Variants in NTRK3 observed in about 807,000 individuals in gnomAD.
NTRK3 encodes NT-3 growth factor receptor.
Under a neutral mutation model 91.7 loss-of-function variants are expected in NTRK3, and 24 were observed. That is an observed-to-expected ratio of 0.26 (90% confidence interval 0.19 to 0.37). The LOEUF (loss-of-function observed/expected upper bound fraction) is 0.37. Among genes scored for constraint, NTRK3 ranks in the 10% least tolerant of loss-of-function variants. NTRK3 has a pLI of 1.00. For synonymous variants in NTRK3, 483 were observed against 404.0 expected (o/e 1.20, Z -2.34); for missense variants, 880 against 1,068.9 (o/e 0.82, Z 2.46).
At chr15:88,183,634 A>AAT in intron 4 of NTRK3, 145 bp from the exon 5 acceptor site, 4 of 812,480 alleles carry the variant, frequency 4.9e-6, no homozygotes, top group Middle Eastern at 2.3e-4. Flanking sequence ...CAGTTATCAC[A>AAT]GGTGGCCTGC....
chr15:87,937,477 GTTT>G (rs1220185732), intron 15 of NTRK3, among the ~76,000 whole-genome samples: 1 of 152,154 alleles, frequency 6.6e-6, no homozygotes, highest in Non-Finnish European at 1.5e-5. Flanking sequence ...TTTCACAAAT[GTTT>G]TAAGCTCCTG....
At chr15:88,142,010 A>G (rs2042430358) in intron 6 of NTRK3, among the ~76,000 whole-genome samples, 1 of 152,250 alleles carries the variant, frequency 6.6e-6, no homozygotes, top group Non-Finnish European at 1.5e-5. Flanking sequence ...CAAGAGAACA[A>G]GACACACACA....
chr15:87,990,435 C>T (rs1279797546), intron 14 of NTRK3, among the ~76,000 whole-genome samples: 2 of 152,146 alleles, frequency 1.3e-5, no homozygotes, highest in Non-Finnish European at 2.9e-5. Flanking sequence ...TAACTCTGCA[C>T]ATCACTTTTT....
intron 3 of NTRK3, among the ~76,000 whole-genome samples, chr15:88,251,023 G>A (rs2053294994): frequency 6.6e-6 from 1 of 152,214 alleles, no homozygotes; most frequent in Non-Finnish European, 1.5e-5. Flanking sequence ...GTGCAGATGG[G>A]GAGTCACGAA....
Position 87,991,407 on chromosome 15 carries a change from C to G in NTRK3, c.1585+41450G>C, listed in dbSNP as rs182920036. ...AGAGTAAAATGTGGGAAATGCTGCT[C>G]TAGCCGTCTGCTCCTCTCTCCATCT... On this transcript the variant is annotated intron_variant, in intron 14 of 18. Transcript: ENST00000394480. 2.1e-4 allele frequency among the ~76,000 whole-genome samples: 32 copies of G among 152,300 alleles called. 1 individual carries two copies. The East Asian group carries it at 5.8e-3, about 28-fold the overall frequency.
chr15:88,127,119 C>G, intron 12 of NTRK3, 43 bp downstream of exon 12: 1 of 1,518,574 alleles, frequency 6.6e-7, no homozygotes. Flanking sequence ...CTGAAAATGA[C>G]TATGCCAGTC....
chr15:88,247,499 A>C (rs1396653200), intron 3 of NTRK3, among the ~76,000 whole-genome samples: 5 of 152,112 alleles, frequency 3.3e-5, no homozygotes, highest in Admixed American at 2.0e-4. Context: ...CTTCTCTCTA[A>C]CTCAGAAATC....
At chr15:87,960,636 C>CA (rs2072182668) in intron 14 of NTRK3, among the ~76,000 whole-genome samples, 1 of 151,986 alleles carries the variant, frequency 6.6e-6, no homozygotes, top group Non-Finnish European at 1.5e-5. Context: ...GGGTGTGTGC[C>CA]ACTACACCTG....
At chr15:88,162,941 G>A (rs1167272284) in intron 5 of NTRK3, among the ~76,000 whole-genome samples, 2 of 152,114 alleles carry the variant, frequency 1.3e-5, no homozygotes, top group East Asian at 1.9e-4. Flanking sequence ...TGGCCACTCT[G>A]TTTGCCCAGG....
chr15:87,927,959 A>T (rs944776733), intron 17 of NTRK3: 1 of 152,236 alleles, frequency 6.6e-6, no homozygotes, highest in Non-Finnish European at 1.5e-5. Context: ...TTGATGTCCC[A>T]AAAATAGATT....
At chr15:88,185,102 C>A (rs1006108382) in intron 3 of NTRK3, among the ~76,000 whole-genome samples, 1 of 152,206 alleles carries the variant, frequency 6.6e-6, no homozygotes, top group African/African-American at 2.4e-5. Context: ...AGTTTCTCCC[C>A]TTTTCATCAT....
At chr15:88,054,750 TTGA>T (rs760244120) in intron 13 of NTRK3, among the ~76,000 whole-genome samples, 5 of 151,830 alleles carry the variant, frequency 3.3e-5, no homozygotes, top group Non-Finnish European at 7.4e-5. Flanking sequence ...TCTGAAAATA[TTGA>T]TGATGATGAT....
intron 14 of NTRK3, chr15:87,979,206 G>T (rs2073987618): frequency 2.7e-6 from 2 of 751,562 alleles, no homozygotes; most frequent in East Asian, 2.6e-5. Flanking sequence ...GGTGTTAAAG[G>T]GTGCCGGGGC....
chr15:88,021,843 C>T (rs765661987), intron 14 of NTRK3, among the ~76,000 whole-genome samples: 22 of 152,162 alleles, frequency 1.4e-4, no homozygotes, highest in Middle Eastern at 3.2e-3. Context: ...GAGATGATGA[C>T]TGCTTTCTCC....
rs1316788962 is a variant in NTRK3 at position 88,233,256 on chromosome 15, C to T, written c.248+22650G>A. On this transcript the variant is annotated intron_variant, in intron 3 of 18. Coordinates refer to ENST00000394480, the Ensembl canonical transcript of NTRK3. This position sits in a 1 kb window ranked among gnomAD's most constrained non-coding sequence, Gnocchi z 4.2. ...CCCCCCCGCCCCCAGTGTAATCTCT[C>T]AGTATCCAGGACTTCATTTGCAGAG... 6.6e-6 allele frequency among the ~76,000 whole-genome samples: 1 copy of T among 152,138 alleles called. No individual in the cohort carries two copies. The highest frequency in any genetic ancestry group is 1.5e-5 in the Non-Finnish European group (1 of 68,020).
chr15:88,251,335 G>A (rs755918449), intron 3 of NTRK3, among the ~76,000 whole-genome samples: 8 of 152,246 alleles, frequency 5.3e-5, no homozygotes, highest in Admixed American at 3.3e-4. Flanking sequence ...GCCCTGAGAT[G>A]ACATATGTCC....
At chr15:88,061,611 G>T (rs898367053) in intron 13 of NTRK3, among the ~76,000 whole-genome samples, 1 of 152,256 alleles carries the variant, frequency 6.6e-6, no homozygotes, top group Non-Finnish European at 1.5e-5. Flanking sequence ...TCACGCCCCC[G>T]CAGGGCGAGG....
exon 19 of NTRK3, chr15:87,860,285 T>C (rs966033499): frequency 9.3e-6 from 2 of 214,206 alleles, no homozygotes; most frequent in Non-Finnish European, 1.9e-5. Context: ...GGTGATACCA[T>C]TAAATCATCC....
chr15:87,916,437 A>G (rs552599142), intron 17 of NTRK3: 1 of 694,388 alleles, frequency 1.4e-6, no homozygotes, highest in East Asian at 2.7e-5. Context: ...GGTCTCCTTC[A>G]GCCTTTTCCT....
Sources: gnomAD v4.1 joint callset for allele counts (sites outside exome capture counted in the v4.1 genomes callset) on GRCh38, gnomAD v4.1.1 for gene constraint, Gnocchi (gnomAD v3.1) non-coding constraint, MANE v1.5 for transcripts, NCBI Gene and HGNC (gene_info 2026-07-23, HGNC 2026-07-21) for gene names.